The following WASF3 variants were observed in gnomAD, a reference collection of about 807,000 sequenced individuals.
WASF3 encodes the protein actin-binding protein WASF3.
A neutral mutation model predicts 46.6 loss-of-function variants in WASF3; 11 were observed. The observed-to-expected ratio is 0.24, with a 90% CI of 0.15 to 0.39. The LOEUF (loss-of-function observed/expected upper bound fraction) is 0.39. Ranked by LOEUF, WASF3 falls within the 10% of genes least tolerant of loss-of-function variation. The pLI is 1.00. For synonymous variants in WASF3, 242 were observed against 259.7 expected, an observed-to-expected ratio of 0.93 and a Z score of 0.65; for missense variants, 576 against 669.8, an observed-to-expected ratio of 0.86 and a Z score of 1.55.
intron 1 of WASF3, among the ~76,000 whole-genome samples, chr13:26,579,581 T>C (rs1422088044): frequency 6.6e-6 from 1 of 152,180 alleles, no homozygotes; most frequent in African/African-American, 2.4e-5. Flanking sequence ...CATTGTCACT[T>C]TGCCTAGTTT....
intron 2 of WASF3, among the ~76,000 whole-genome samples, chr13:26,623,640 T>A (rs1190162059): frequency 6.6e-6 from 1 of 152,132 alleles, no homozygotes; most frequent in African/African-American, 2.4e-5. Context: ...TTTAGTTGTG[T>A]TGGAGAAGAG....
chr13:26,687,878 T>C lies in WASF3; in HGVS notation c.*2033T>C, dbSNP rs1883461955. On this transcript the variant is annotated 3_prime_UTR_variant, in exon 10 of 10. Coordinates refer to ENST00000335327, the MANE Select transcript of WASF3 (RefSeq NM_006646.6). Reference sequence around the variant, plus strand: ...GAACTCCCCTTTGGTAATGCTTCTTTGTTTTTTTATGGCCCTTCTGTTCTC... The same window carrying C: ...GAACTCCCCTTTGGTAATGCTTCTTCGTTTTTTTATGGCCCTTCTGTTCTC... The C allele has an allele frequency of 6.6e-6, 1 of 152,178 alleles. No individual in the cohort carries two copies. Among genetic ancestry groups the C allele is most frequent in the African/African-American group, 2.4e-5 (1 of 41,446 alleles). The allele number at this position is 152,178 out of a possible 1,614,324, so 9.4% of individuals were successfully genotyped here. A position where few individuals can be genotyped will look rare whatever the true frequency, so the allele number is the denominator to read the frequency against.
intron 5 of WASF3, 94 bp from the exon 6 acceptor site, chr13:26,671,778 T>C (rs1593182229): frequency 3.7e-6 from 3 of 815,420 alleles, no homozygotes; most frequent in African/African-American, 3.5e-5. Context: ...GTAGATGTTA[T>C]AATTTCATGA....
At chr13:26,568,889 T>C (rs1879550972) in intron 1 of WASF3, among the ~76,000 whole-genome samples, 1 of 152,210 alleles carries the variant, frequency 6.6e-6, no homozygotes, top group African/African-American at 2.4e-5. Context: ...AGTTGCACAA[T>C]GTACGTCTCA....
chr13:26,557,454 G>C (rs1413936474), upstream of WASF3, among the ~76,000 whole-genome samples: 1 of 152,194 alleles, frequency 6.6e-6, no homozygotes, highest in Non-Finnish European at 1.5e-5. Context: ...CGCTGCCTAA[G>C]CCTCATCCCG....
the WASF3 span, among the ~76,000 whole-genome samples, chr13:26,546,956 G>A: frequency 9.2e-5 from 14 of 152,138 alleles, no homozygotes; most frequent in Non-Finnish European, 1.8e-4. Flanking sequence ...GATCTCCCCA[G>A]ATCTCTACTT....
intron 2 of WASF3, among the ~76,000 whole-genome samples, chr13:26,629,712 T>C (rs991459587): frequency 1.3e-5 from 2 of 152,190 alleles, no homozygotes; most frequent in Non-Finnish European, 2.9e-5. Context: ...CTCACTTGTA[T>C]CCTGTGGTTC....
intron 1 of WASF3, among the ~76,000 whole-genome samples, chr13:26,589,694 A>C (rs1880232884): frequency 6.6e-6 from 1 of 152,194 alleles, no homozygotes; most frequent in Admixed American, 6.5e-5. Context: ...TGGCAGATTT[A>C]TGTGTGAACT....
intron 1 of WASF3, among the ~76,000 whole-genome samples, chr13:26,580,626 CT>C (rs5802384): frequency 0.54 from 73,317 of 136,744 alleles, 18,838 homozygotes; most frequent in East Asian, 0.61. Flanking sequence ...TTTTTTCTTT[CT>C]TTTTTTTTTT....
At chr13:26,656,196 G>A (rs1476810144) in intron 3 of WASF3, among the ~76,000 whole-genome samples, 1 of 152,150 alleles carries the variant, frequency 6.6e-6, no homozygotes, top group Non-Finnish European at 1.5e-5. Flanking sequence ...ATTTAGAGGT[G>A]TGAGACAAAG....
At chr13:26,615,627 G>T (rs1881109284) in intron 2 of WASF3, among the ~76,000 whole-genome samples, 1 of 151,952 alleles carries the variant, frequency 6.6e-6, no homozygotes, top group African/African-American at 2.4e-5. Flanking sequence ...TTTTTAAACT[G>T]CTTTATTGTG....
chr13:26,622,485 A>G (rs1322738405), intron 2 of WASF3: 1 of 152,230 alleles, frequency 6.6e-6, no homozygotes, highest in Non-Finnish European at 1.5e-5. Flanking sequence ...AGTGTATTCT[A>G]TGCATGAAAG....
intron 6 of WASF3, among the ~76,000 whole-genome samples, 192 bp downstream of exon 6, chr13:26,672,181 TTCTCCAGCACTTGC>T (rs1882942174): frequency 6.6e-6 from 1 of 152,218 alleles, no homozygotes; most frequent in Non-Finnish European, 1.5e-5. Context: ...TACTGATATG[TTCTCCAGCACTTGC>T]TTTGCTTTAA....
intron 1 of WASF3, among the ~76,000 whole-genome samples, chr13:26,587,127 A>C (rs1332861750): frequency 7.0e-6 from 1 of 142,050 alleles, no homozygotes; most frequent in African/African-American, 2.6e-5. Context: ...AAAAAAAAGG[A>C]AGAAGAATCC....
At chr13:26,637,758 A>G (rs1056528970) in intron 2 of WASF3, among the ~76,000 whole-genome samples, 49 of 152,240 alleles carry the variant, frequency 3.2e-4, no homozygotes, top group South Asian at 6.2e-4. Flanking sequence ...ATCTTTAGCA[A>G]TCGAGCCATG....
chr13:26,642,241 A>G lies in WASF3; in HGVS notation c.-10-20A>G. On this transcript the variant is annotated intron_variant, in intron 2 of 9. Coordinates refer to ENST00000335327, the MANE Select transcript of WASF3 (RefSeq NM_006646.6). ...AAAATGTGAATATGAGCTTATAAAG[A>G]ATGTGTTTTCAATTTTCAGATTGTG... is the stretch of plus-strand genomic sequence containing the variant. 6.6e-7 allele frequency: 1 copy of G among 1,511,272 alleles called. No individual in the cohort carries two copies. 93.6% of individuals were successfully genotyped at this position (1,511,272 alleles called of 1,614,324 possible).
rs897822791 is a variant in WASF3 at position 26,613,012 on chromosome 13, A to T, written c.-57A>T. ...TACTGATAACTGAGCCAAAGTGGTG[A>T]TGCTACTTGAGGGGAATTTCTGCAA... On this transcript the variant is annotated 5_prime_UTR_variant, in exon 2 of 10. An upstream start codon of the reference 5' UTR is lost. Transcript: ENST00000335327. 6.6e-6 allele frequency: 1 copy of T among 152,058 alleles called. No individual in the cohort carries two copies. The highest frequency in any genetic ancestry group is 1.5e-5 in the Non-Finnish European group (1 of 68,018). The allele number at this position is 152,058 out of a possible 1,614,324, so 9.4% of individuals were successfully genotyped here.
chr13:26,658,667 A>G (rs1458867357), intron 3 of WASF3, among the ~76,000 whole-genome samples: 1 of 152,184 alleles, frequency 6.6e-6, no homozygotes, highest in Non-Finnish European at 1.5e-5. Flanking sequence ...TTTTTCATTC[A>G]GCTGATAGTT....
the WASF3 span, among the ~76,000 whole-genome samples, chr13:26,551,551 G>A: frequency 2.0e-5 from 3 of 152,184 alleles, no homozygotes; most frequent in East Asian, 5.8e-4. Flanking sequence ...ATAATTCCCT[G>A]TCTGGTGGGG....
Sources: allele counts gnomAD v4.1 joint callset (sites outside exome capture counted in the v4.1 genomes callset), GRCh38; gene constraint gnomAD v4.1.1; transcripts MANE v1.5; gene names NCBI Gene and HGNC (gene_info 2026-07-23, HGNC 2026-07-21).